VWA2: variants seen among roughly 807,000 people sequenced by gnomAD.
The protein encoded by VWA2 is von Willebrand factor A domain-containing protein 2.
Under a neutral mutation model 70.4 loss-of-function variants are expected in VWA2, and 73 were observed. The ratio of observed to expected loss-of-function variants is 1.04; its 90% CI spans 0.86 to 1.26. VWA2 has a LOEUF of 1.26. VWA2 is among the 50% of genes most tolerant of loss of function. The probability of loss-of-function intolerance (pLI) is 0.00; values close to 1 mark genes in which losing one functional copy is unlikely to be tolerated. For synonymous variants in VWA2, 407 were observed against 423.3 expected (o/e 0.96, Z 0.47); for missense variants, 1,011 against 998.5 (o/e 1.01, Z -0.17).
chr10:114,259,199 TG>T (rs1172626432), intron 4 of VWA2, among the ~76,000 whole-genome samples: 7 of 152,238 alleles, frequency 4.6e-5, no homozygotes, highest in Non-Finnish European at 5.9e-5. Context: ...ACATTGTATA[TG>T]TTTTTTTGCT....
intron 11 of VWA2, among the ~76,000 whole-genome samples, chr10:114,287,153 C>T (rs2039001995): frequency 6.6e-6 from 1 of 152,158 alleles, no homozygotes; most frequent in Admixed American, 6.5e-5. Flanking sequence ...GAGGCCTGGC[C>T]CATGGCCAGA....
rs140602798 is a variant in VWA2, at chr10:114,256,478, G to A, written c.261+1430G>A. On this transcript the variant is annotated intron_variant, in intron 4 of 13. Coordinates refer to ENST00000392982, the MANE Select transcript of VWA2 (RefSeq NM_001272046.2). Reference sequence around the variant, plus strand: ...ATACACTCTGGATGGATTTGTAAGAGGCTGAGGACAGTGGTTTTCATTAAG... The same window carrying A: ...ATACACTCTGGATGGATTTGTAAGAAGCTGAGGACAGTGGTTTTCATTAAG... 3.2e-3 allele frequency among the ~76,000 whole-genome samples: 491 copies of A among 152,278 alleles called. 5 individuals are homozygous for A. Among genetic ancestry groups the A allele is most frequent in the African/African-American group, 0.011 (470 of 41,544 alleles).
At chr10:114,274,904 G>C (rs978908714) in intron 6 of VWA2, among the ~76,000 whole-genome samples, 7 of 152,180 alleles carry the variant, frequency 4.6e-5, no homozygotes, top group Non-Finnish European at 1.0e-4. Context: ...AGAGTGAATA[G>C]TGGTGCCATC....
At chr10:114,251,027 C>G (rs2037184818) in intron 2 of VWA2, among the ~76,000 whole-genome samples, 1 of 152,234 alleles carries the variant, frequency 6.6e-6, no homozygotes, top group Non-Finnish European at 1.5e-5. Flanking sequence ...CTCCCTACTC[C>G]TGGGCTGGCT....
intron 5 of VWA2, among the ~76,000 whole-genome samples, chr10:114,270,274 G>T (rs930161360): frequency 6.6e-6 from 1 of 152,162 alleles, no homozygotes; most frequent in African/African-American, 2.4e-5. Flanking sequence ...GAGGGCCCTG[G>T]GTTCAAGTCC....
intron 12 of VWA2, chr10:114,289,803 C>T (rs1043116231): frequency 7.2e-6 from 3 of 415,780 alleles, no homozygotes; most frequent in Admixed American, 7.2e-5. Flanking sequence ...AAAGATCCCA[C>T]ATTCACACTG....
At chr10:114,261,954 G>A (rs2037453549) in intron 5 of VWA2, among the ~76,000 whole-genome samples, 1 of 152,138 alleles carries the variant, frequency 6.6e-6, no homozygotes, top group Non-Finnish European at 1.5e-5. Flanking sequence ...AAGGTGGGGG[G>A]GCAGGTGCAT....
At chr10:114,269,215 C>T (rs1433913482) in intron 5 of VWA2, among the ~76,000 whole-genome samples, 1 of 152,204 alleles carries the variant, frequency 6.6e-6, no homozygotes, top group East Asian at 1.9e-4. Context: ...CCTGGGCTCT[C>T]ATGTCCCTGA....
At position 114,254,842 on chromosome 10, in the gene VWA2, T is replaced by A. The variant is rs972501316; in HGVS notation, c.128-73T>A. On this transcript the variant is annotated intron_variant, in intron 3 of 13. Coordinates refer to ENST00000392982, the MANE Select transcript of VWA2 (RefSeq NM_001272046.2). ...CAGCCTGGCCCACCACAAGGCTGTT[T>A]GTGCCTTCACTCTGCTTCAGAAGTG... 4.3e-5 allele frequency: 68 copies of A among 1,576,614 alleles called. No individual in the cohort carries two copies. In the African/African-American group the frequency reaches 7.7e-4, roughly 18 times the overall value.
At chr10:114,250,682 C>T (rs1233592376) in intron 2 of VWA2, among the ~76,000 whole-genome samples, 1 of 152,216 alleles carries the variant, frequency 6.6e-6, no homozygotes, top group African/African-American at 2.4e-5. Flanking sequence ...GCCTGGCTGC[C>T]CAGCCCAACT....
intron 1 of VWA2, among the ~76,000 whole-genome samples, chr10:114,243,104 A>G (rs2133275087): frequency 6.6e-6 from 1 of 152,276 alleles, no homozygotes; most frequent in Middle Eastern, 3.4e-3. Flanking sequence ...GTTGTGTACA[A>G]TTTAAAGCAT....
intron 1 of VWA2, among the ~76,000 whole-genome samples, chr10:114,243,011 G>A (rs1250037339): frequency 2.6e-5 from 4 of 152,164 alleles, no homozygotes; most frequent in Non-Finnish European, 5.9e-5. Context: ...AGCTAGGTTG[G>A]AATCCTGTCT....
intron 3 of VWA2, 85 bp from the exon 4 acceptor site, chr10:114,254,830 C>T: frequency 6.4e-7 from 1 of 1,559,890 alleles, no homozygotes; most frequent in Non-Finnish European, 8.7e-7. Context: ...CCTGGCCCAC[C>T]ACAAGGCTGT....
At chr10:114,241,751 A>G (rs2036977563) in intron 1 of VWA2, among the ~76,000 whole-genome samples, 1 of 152,208 alleles carries the variant, frequency 6.6e-6, no homozygotes, top group Admixed American at 6.5e-5. Context: ...GAGGGTCAGC[A>G]ACACTACGAG....
At chr10:114,279,092 A>G (rs1304670503) in intron 8 of VWA2, among the ~76,000 whole-genome samples, 1 of 152,178 alleles carries the variant, frequency 6.6e-6, no homozygotes, top group African/African-American at 2.4e-5. Flanking sequence ...GGTCACAGGC[A>G]TTCTGGAAGG....
intron 8 of VWA2, 43 bp from the exon 9 acceptor site, chr10:114,282,473 T>A (rs2038273241): frequency 1.3e-6 from 2 of 1,549,800 alleles, no homozygotes; most frequent in Non-Finnish European, 1.8e-6. Context: ...GCCCTCCCCT[T>A]ACACCTCTGA....
intron 4 of VWA2, among the ~76,000 whole-genome samples, chr10:114,255,474 GGACCTCAGTTAA>G: frequency 6.6e-6 from 1 of 152,252 alleles, no homozygotes; most frequent in South Asian, 2.1e-4. Context: ...GTTTCTGGCC[GGACCTCAGTTAA>G]GAGCTCTGCC....
At chr10:114,257,486 T>C (rs1395083125) in intron 4 of VWA2, among the ~76,000 whole-genome samples, 1 of 152,204 alleles carries the variant, frequency 6.6e-6, no homozygotes, top group Non-Finnish European at 1.5e-5. Context: ...TATTAATGCA[T>C]GTTTCACAGA....
chr10:114,266,557 C>T (rs1329564958), intron 5 of VWA2, among the ~76,000 whole-genome samples: 1 of 152,188 alleles, frequency 6.6e-6, no homozygotes, highest in Non-Finnish European at 1.5e-5. Context: ...ACTCTGACAA[C>T]CACCTTATTG....
Sources: gnomAD v4.1 joint callset for allele counts (sites outside exome capture counted in the v4.1 genomes callset) on GRCh38, gnomAD v4.1.1 for gene constraint, MANE v1.5 for transcripts, NCBI Gene and HGNC (gene_info 2026-07-23, HGNC 2026-07-21) for gene names.